The following BBIP1 variants were observed in gnomAD, a reference collection of about 807,000 sequenced individuals.
BBIP1 encodes BBSome interacting protein 1.
Under a neutral mutation model 8.9 loss-of-function variants are expected in BBIP1, and 6 were observed. The observed-to-expected ratio is 0.67, with a 90% confidence interval of 0.37 to 1.33. The LOEUF (loss-of-function observed/expected upper bound fraction) is 1.33. Among genes scored for constraint, BBIP1 ranks in the 40% most tolerant of loss-of-function variants. The pLI is 0.02. For missense variants in BBIP1, 111 were observed against 109.2 expected (o/e 1.02, Z -0.07); for synonymous variants, 32 against 33.4 (o/e 0.96, Z 0.14).
At position 110,918,068 on chromosome 10, in the gene BBIP1, A is replaced by C. The variant is rs563171752; in HGVS notation, c.37+53T>G. On this transcript the variant is annotated intron_variant, in intron 2 of 3. Coordinates refer to ENST00000448814, the MANE Select transcript of BBIP1 (RefSeq NM_001195305.3). ...GAAGCAGAAATTAAGTCGAGAAGGT[A>C]GGTTTGCATCTGTATTGTTGACTGG... is the stretch of plus-strand genomic sequence containing the variant. 55 of 1,447,130 alleles carry C rather than the reference A, an allele frequency of 3.8e-5. No individual in the cohort carries two copies. The South Asian group carries it at 6.7e-4, about 18-fold the overall frequency. The allele number at this position is 1,447,130 out of a possible 1,614,324, so 89.6% of individuals were successfully genotyped here.
At chr10:110,901,849 T>C in intron 2 of BBIP1, 1 of 455,166 alleles carries the variant, frequency 2.2e-6, no homozygotes, top group South Asian at 2.7e-5. Context: ...TGTTGTAATT[T>C]TTTTTCTCTC....
chr10:110,918,329 G>C (rs550230064), intron 1 of BBIP1, 116 bp from the exon 2 acceptor site: 23 of 604,698 alleles, frequency 3.8e-5, no homozygotes, highest in Admixed American at 1.8e-4. Context: ...CCCACCACCA[G>C]AACCGCAGTC....
Position 110,899,445 on chromosome 10 carries a change from T to C in BBIP1, c.*915A>G, listed in dbSNP as rs1055780881. The C allele has an allele frequency of 2.0e-5, 3 of 152,218 alleles. No homozygotes were observed. The highest frequency in any genetic ancestry group is 7.2e-5 in the African/African-American group (3 of 41,454). 9.4% of individuals were successfully genotyped at this position (152,218 alleles called of 1,614,324 possible). A position where few individuals can be genotyped will look rare whatever the true frequency, so the allele number is the denominator to read the frequency against. ...ATGCAGTCATTTTATTCTCAAGTGCTTAAAATTAATGTAATTAAAAGCTTA... is the reference window on the plus strand; with the variant it reads ...ATGCAGTCATTTTATTCTCAAGTGCCTAAAATTAATGTAATTAAAAGCTTA... On this transcript the variant is annotated 3_prime_UTR_variant, in exon 4 of 4. Coordinates refer to ENST00000448814, the MANE Select transcript of BBIP1 (RefSeq NM_001195305.3).
rs1436694386 is a variant in BBIP1, at chr10:110,898,869, T to C, written c.*1491A>G. 65 of 152,634 alleles carry C rather than the reference T, an allele frequency of 4.3e-4. No homozygotes were observed. Among genetic ancestry groups the C allele is most frequent in the Non-Finnish European group, 4.4e-5 (3 of 68,000 alleles). 9.5% of individuals were successfully genotyped at this position (152,634 alleles called of 1,614,324 possible). A position where few individuals can be genotyped will look rare whatever the true frequency, so the allele number is the denominator to read the frequency against. ...ATCTTAGTGTTCCCTTGAAAACTTTTTTTCCCTACAAAATTTTAAGTGAAA... is the reference window on the plus strand; with the variant it reads ...ATCTTAGTGTTCCCTTGAAAACTTTCTTTCCCTACAAAATTTTAAGTGAAA... On this transcript the variant is annotated 3_prime_UTR_variant, in exon 4 of 4. Coordinates refer to ENST00000448814, the MANE Select transcript of BBIP1 (RefSeq NM_001195305.3).
chr10:110,917,182 G>T (rs1846426758), intron 2 of BBIP1, among the ~76,000 whole-genome samples: 1 of 142,908 alleles, frequency 7.0e-6, no homozygotes, highest in African/African-American at 2.5e-5. Flanking sequence ...GAAAAATTTT[G>T]ACTGGATCCT....
Position 110,918,233 on chromosome 10 carries a change from A to G in BBIP1, c.-56-20T>C, listed in dbSNP as rs1353770914. ...AAGAAACTACAAGATAATGTATGATAACTTTGTAAAGGGCCATATAAAAGC... is the reference window on the plus strand; with the variant it reads ...AAGAAACTACAAGATAATGTATGATGACTTTGTAAAGGGCCATATAAAAGC... On this transcript the variant is annotated intron_variant, in intron 1 of 3. Coordinates refer to ENST00000448814, the MANE Select transcript of BBIP1 (RefSeq NM_001195305.3). 1 of 1,292,856 alleles carries G rather than the reference A, an allele frequency of 7.7e-7. No individual in the cohort carries two copies. Among genetic ancestry groups the G allele is most frequent in the Non-Finnish European group, 1.1e-6 (1 of 929,006 alleles). The allele number at this position is 1,292,856 out of a possible 1,614,324, so 80.1% of individuals were successfully genotyped here. A position where few individuals can be genotyped will look rare whatever the true frequency, so the allele number is the denominator to read the frequency against.
intron 2 of BBIP1, among the ~76,000 whole-genome samples, chr10:110,917,005 A>G (rs1328626958): frequency 2.0e-5 from 3 of 152,192 alleles, no homozygotes; most frequent in Non-Finnish European, 4.4e-5. Flanking sequence ...ATACTGTGAC[A>G]TATCCTTGCA....
At chr10:110,914,865 T>C (rs553559194) in intron 2 of BBIP1, among the ~76,000 whole-genome samples, 49 of 152,350 alleles carry the variant, frequency 3.2e-4, no homozygotes, top group Middle Eastern at 6.8e-3. Context: ...ATCCTACTCA[T>C]GCAAAATGTC....
intron 2 of BBIP1, among the ~76,000 whole-genome samples, chr10:110,905,406 C>CA (rs563512680): frequency 2.0e-5 from 3 of 152,144 alleles, no homozygotes; most frequent in South Asian, 4.2e-4. Flanking sequence ...ATTAAAAATA[C>CA]AAAAAATTAG....
intron 2 of BBIP1, among the ~76,000 whole-genome samples, chr10:110,917,222 G>A (rs1341295109): frequency 1.6e-5 from 2 of 122,388 alleles, no homozygotes; most frequent in African/African-American, 5.8e-5. Flanking sequence ...TTTTTTTGCA[G>A]GATTGGGAAG....
chr10:110,906,486 TAAG>T (rs753247367), intron 2 of BBIP1: 4 of 152,262 alleles, frequency 2.6e-5, no homozygotes, highest in African/African-American at 4.8e-5. Flanking sequence ...TATCTGTTAA[TAAG>T]AAGACAGCTT....
Position 110,900,179 on chromosome 10 carries a change from A to C in BBIP1, c.*181T>G, listed in dbSNP as rs1387141996. The stretch of plus-strand genomic sequence containing the variant: ...CATAGTTTAACTGTTTATGTTCAAT[A>C]CAAACCAGAGTGTTTACATTCACAA... On this transcript the variant is annotated 3_prime_UTR_variant, in exon 4 of 4. Transcript: ENST00000448814. 9.6e-6 allele frequency: 6 copies of C among 622,484 alleles called. No homozygotes were observed. The highest frequency in any genetic ancestry group is 9.5e-5 in the African/African-American group (5 of 52,858). 38.6% of individuals were successfully genotyped at this position (622,484 alleles called of 1,614,324 possible).
chr10:110,899,464 AAGCTT>A lies in BBIP1; in HGVS notation c.*891_*895del, dbSNP rs1278939229. 1 of 152,174 alleles carries A rather than the reference AAGCTT, an allele frequency of 6.6e-6. No homozygotes were observed. The highest frequency in any genetic ancestry group is 1.5e-5 in the Non-Finnish European group (1 of 68,028). The allele number at this position is 152,174 out of a possible 1,614,324, so 9.4% of individuals were successfully genotyped here. ...AAGTGCTTAAAATTAATGTAATTAA[AAGCTT>A]AGCTGACTACAGAATAGGTGAGGGT... is the stretch of plus-strand genomic sequence containing the variant. On this transcript the variant is annotated 3_prime_UTR_variant, in exon 4 of 4. Transcript: ENST00000448814.
chr10:110,905,104 G>A (rs1846097414), intron 2 of BBIP1, among the ~76,000 whole-genome samples: 1 of 152,192 alleles, frequency 6.6e-6, no homozygotes, highest in African/African-American at 2.4e-5. Flanking sequence ...CAAACCTGTT[G>A]TAGCTATTTG....
chr10:110,910,542 T>C (rs1407412392), intron 2 of BBIP1: 1 of 152,188 alleles, frequency 6.6e-6, no homozygotes, highest in Non-Finnish European at 1.5e-5. Flanking sequence ...GAAGCTATAA[T>C]TGTTTAGGTA....
chr10:110,912,705 A>C (rs567554076), intron 2 of BBIP1, among the ~76,000 whole-genome samples: 1 of 152,192 alleles, frequency 6.6e-6, no homozygotes, highest in East Asian at 1.9e-4. Context: ...TGTTTTTAAA[A>C]CTGTCCTCCC....
At chr10:110,912,119 T>C (rs184112207) in intron 2 of BBIP1, 58 of 152,010 alleles carry the variant, frequency 3.8e-4, no homozygotes, top group African/African-American at 1.2e-3. Flanking sequence ...GTCGGACCAA[T>C]ATATGGCTCT....
intron 2 of BBIP1, chr10:110,904,912 A>G (rs1454593750): frequency 6.6e-6 from 1 of 152,270 alleles, no homozygotes; most frequent in African/African-American, 2.4e-5. Flanking sequence ...TTACATTAAT[A>G]GAACCAAACT....
intron 2 of BBIP1, chr10:110,908,317 C>T (rs77723131): frequency 2.0e-5 from 3 of 152,192 alleles, no homozygotes; most frequent in African/African-American, 7.2e-5. Context: ...TCTTTTTCTC[C>T]TATCACAAGG....
Sources: gnomAD v4.1 joint callset for allele counts (sites outside exome capture counted in the v4.1 genomes callset) on GRCh38, gnomAD v4.1.1 for gene constraint, MANE v1.5 for transcripts, NCBI Gene and HGNC (gene_info 2026-07-23, HGNC 2026-07-21) for gene names.